Variants in ZNF469 observed in about 807,000 individuals in gnomAD.
ZNF469 encodes zinc finger protein 469.
ZNF469 carries 1 observed loss-of-function variant against 1.0 expected under a neutral mutation model. That is an observed-to-expected ratio of 1.00 (90% CI 0.35 to 4.73). The LOEUF (loss-of-function observed/expected upper bound fraction) is 4.73, where lower values mean the gene tolerates loss of function less well. Among genes scored for constraint, ZNF469 ranks in the 30% most tolerant of loss-of-function variants. The probability of loss-of-function intolerance (pLI) is 0.16; values close to 1 mark genes in which losing one functional copy is unlikely to be tolerated. For synonymous variants in ZNF469, 2,703 were observed against 2,363.4 expected (o/e 1.14, Z -4.17); for missense variants, 6,100 against 5,356.3 (o/e 1.14, Z -4.33).
chr16:88,138,102 A>G, the ZNF469 span, among the ~76,000 whole-genome samples: 2 of 152,338 alleles, frequency 1.3e-5, no homozygotes, highest in African/African-American at 4.8e-5. Flanking sequence ...GGAATCAGAC[A>G]CACAAACTAT....
chr16:88,394,448 G>A (rs1340416639), intron 1 of ZNF469, among the ~76,000 whole-genome samples: 1 of 152,242 alleles, frequency 6.6e-6, no homozygotes, highest in Non-Finnish European at 1.5e-5. Context: ...TTAACATGTG[G>A]TCTGGATTTT....
chr16:88,235,046 G>A, the ZNF469 span: 65 of 152,346 alleles, frequency 4.3e-4, no homozygotes, highest in Middle Eastern at 3.4e-3. Flanking sequence ...CGCCAAGCTC[G>A]GGTCCTGCAG....
At chr16:88,206,049 G>C in the ZNF469 span, among the ~76,000 whole-genome samples, 1 of 152,184 alleles carries the variant, frequency 6.6e-6, no homozygotes, top group African/African-American at 2.4e-5. Context: ...CCCCCAGGGA[G>C]AGACGCCGTT....
chr16:88,103,070 G>A, the ZNF469 span, among the ~76,000 whole-genome samples: 4 of 152,368 alleles, frequency 2.6e-5, no homozygotes, highest in African/African-American at 9.6e-5. Context: ...GAATGGGGCC[G>A]TCATCAGTCG....
the ZNF469 span, among the ~76,000 whole-genome samples, chr16:88,248,562 A>G: frequency 6.6e-6 from 1 of 152,320 alleles, no homozygotes; most frequent in African/African-American, 2.4e-5. Flanking sequence ...ACTAATTTTA[A>G]CTTGTGTAGA....
the ZNF469 span, among the ~76,000 whole-genome samples, chr16:88,264,137 T>G: frequency 3.9e-5 from 6 of 152,190 alleles, no homozygotes; most frequent in East Asian, 1.2e-3. Context: ...GTCCTCTGCA[T>G]GTGGCAGGCC....
Position 88,429,851 on chromosome 16 carries a change from C to A in ZNF469, c.2381C>A (p.Ala794Glu), listed in dbSNP as rs565787076. 1.9e-6 allele frequency: 3 copies of A among 1,549,580 alleles called. No homozygotes were observed. Among genetic ancestry groups the A allele is most frequent in the East Asian group, 2.4e-5 (1 of 40,902 alleles). ...ADAHAGLLSH[A>E]KTFLLAGDAQ... ...GCACACGCGGGCTTGCTCAGCCACG[C>A]GAAGACCTTCCTGTTAGCTGGGGAC... is the stretch of plus-strand genomic sequence containing the variant. Residue 794 changes from alanine to glutamate, a missense_variant, in exon 3 of 3, where the codon GCG becomes GAG. Ala to Glu is a moderately radical substitution (Grantham distance 107). Coordinates refer to ENST00000565624, the MANE Select transcript of ZNF469 (RefSeq NM_001367624.2).
At chr16:88,246,890 AG>A in the ZNF469 span, among the ~76,000 whole-genome samples, 1 of 152,090 alleles carries the variant, frequency 6.6e-6, no homozygotes, top group Non-Finnish European at 1.5e-5. Context: ...TGAATGAGTG[AG>A]TGAATGAGTG....
At chr16:88,158,992 G>A in the ZNF469 span, among the ~76,000 whole-genome samples, 1 of 152,174 alleles carries the variant, frequency 6.6e-6, no homozygotes, top group Non-Finnish European at 1.5e-5. Flanking sequence ...GCTTCCTATG[G>A]GGTGGGTCAG....
chr16:88,382,228 GGGGGCTCTGCCTGGAGCCATCTCCGCC>G (rs1173048538), upstream of ZNF469, among the ~76,000 whole-genome samples: 1 of 151,874 alleles, frequency 6.6e-6, no homozygotes, highest in African/African-American at 2.4e-5. Flanking sequence ...TACTGGGCCA[GGGGGCTCTGCCTGGAGCCATCTCCGCC>G]GTGTGGCCTT....
At chr16:88,277,521 T>A in the ZNF469 span, among the ~76,000 whole-genome samples, 1 of 22,356 alleles carries the variant, frequency 4.5e-5, no homozygotes, top group East Asian at 1.7e-3. Flanking sequence ...TAGATATCAG[T>A]GCACGGTTAG....
the ZNF469 span, among the ~76,000 whole-genome samples, chr16:88,157,195 G>C: frequency 1.3e-4 from 20 of 151,656 alleles, no homozygotes; most frequent in African/African-American, 4.8e-4. Flanking sequence ...TTGCTCTCTC[G>C]GGGCTGAAGC....
the ZNF469 span, among the ~76,000 whole-genome samples, chr16:88,199,499 C>T: frequency 1.3e-5 from 2 of 152,216 alleles, no homozygotes; most frequent in African/African-American, 4.8e-5. Flanking sequence ...GAGGACTCTG[C>T]TCCCACCTCC....
At chr16:88,206,207 C>T in the ZNF469 span, among the ~76,000 whole-genome samples, 1 of 152,200 alleles carries the variant, frequency 6.6e-6, no homozygotes, top group Non-Finnish European at 1.5e-5. Context: ...TTTTCTTCAA[C>T]AGCAGCGCCG....
At chr16:88,391,167 C>T (rs1455816171) in intron 1 of ZNF469, among the ~76,000 whole-genome samples, 1 of 152,246 alleles carries the variant, frequency 6.6e-6, no homozygotes, top group African/African-American at 2.4e-5. Context: ...TCAGTTTCCC[C>T]ACCTGTTCAG....
the ZNF469 span, among the ~76,000 whole-genome samples, chr16:88,163,956 A>T: frequency 2.7e-5 from 4 of 145,802 alleles, no homozygotes; most frequent in African/African-American, 1.0e-4. Flanking sequence ...GGGTGGCTGG[A>T]TGAGCGGGGT....
chr16:88,166,034 G>A, the ZNF469 span, among the ~76,000 whole-genome samples: 2 of 152,306 alleles, frequency 1.3e-5, no homozygotes, highest in East Asian at 1.9e-4. This position sits in a 1 kb window ranked among gnomAD's most constrained non-coding sequence, Gnocchi z 4.5. Context: ...CGCACCCAGG[G>A]GCCACTGAGG....
the ZNF469 span, among the ~76,000 whole-genome samples, chr16:88,366,164 TCATCACCAC>T: frequency 1.5e-5 from 2 of 136,786 alleles, no homozygotes; most frequent in South Asian, 2.5e-4. Flanking sequence ...ATCATCACCA[TCATCACCAC>T]GATCATCATC....
intron 2 of ZNF469, among the ~76,000 whole-genome samples, chr16:88,426,098 C>T (rs1195965845): frequency 6.6e-6 from 1 of 152,252 alleles, no homozygotes; most frequent in African/African-American, 2.4e-5. Context: ...CATGAGACAC[C>T]ACCAGCTCAG....
Sources: allele counts gnomAD v4.1 joint callset (sites outside exome capture counted in the v4.1 genomes callset), GRCh38; gene constraint gnomAD v4.1.1; non-coding constraint Gnocchi (gnomAD v3.1); transcripts MANE v1.5; gene names NCBI Gene and HGNC (gene_info 2026-07-23, HGNC 2026-07-21).